The following OC90 variants were observed in gnomAD, a reference collection of about 807,000 sequenced individuals.
OC90 encodes the protein otoconin 90.
OC90 carries 46 observed loss-of-function variants against 47.3 expected under a neutral mutation model. That is an observed-to-expected ratio of 0.97 (90% confidence interval 0.77 to 1.24). The LOEUF (loss-of-function observed/expected upper bound fraction) is 1.24, where lower values mean the gene tolerates loss of function less well. Ranked by LOEUF, OC90 falls within the 50% of genes most tolerant of loss-of-function variation. The probability of loss-of-function intolerance (pLI) is 0.00; values close to 1 mark genes in which losing one functional copy is unlikely to be tolerated. For synonymous variants in OC90, 271 were observed against 219.5 expected, an observed-to-expected ratio of 1.23 and a Z score of -2.07; for missense variants, 688 against 583.9, an observed-to-expected ratio of 1.18 and a Z score of -1.84.
In OC90 at chr8:132,034,790, A is replaced by G. The variant is rs761996799; in HGVS notation, c.724T>C (p.Ser242Pro). The change falls in exon 10 of 14, where the codon TCC (serine) becomes CCC (proline). Residue 242 changes from serine to proline, a missense_variant. Ser to Pro is a moderately conservative substitution (Grantham distance 74). Transcript: ENST00000254627. ...QEGVGAARAT[S>P]PPGSAEIVAT... ...AGCCCAGTAGGCTTACCTGGAGGGG[A>G]CGTAGCCCTAGCAGCTCCCACTCCT... 1 of 1,611,676 alleles carries G rather than the reference A, an allele frequency of 6.2e-7. No individual in the cohort carries two copies.
At chr8:132,055,728 G>A (rs1035234411) in intron 1 of OC90, among the ~76,000 whole-genome samples, 8 of 152,164 alleles carry the variant, frequency 5.3e-5, no homozygotes, top group Non-Finnish European at 1.5e-5. Context: ...GAGGTCCTGA[G>A]AGTTCAATAG....
intron 2 of OC90, 85 bp from the exon 3 acceptor site, chr8:132,045,968 A>C: frequency 1.3e-6 from 1 of 751,914 alleles, no homozygotes; most frequent in South Asian, 1.5e-5. Context: ...CGACAGCCAG[A>C]CAAACAATGG....
At chr8:132,029,957 A>T (rs377728053) in intron 12 of OC90, among the ~76,000 whole-genome samples, 2 of 152,194 alleles carry the variant, frequency 1.3e-5, no homozygotes, top group Non-Finnish European at 2.9e-5. Flanking sequence ...TCCAGCAGGG[A>T]TAAGTCGTAG....
Position 132,045,864 on chromosome 8 carries a change from A to T in OC90, c.66T>A (p.Thr22=). The change falls in exon 3 of 14, where the codon ACT becomes ACA. Residue 22 remains threonine, a synonymous_variant. Coordinates refer to ENST00000254627, the MANE Select transcript of OC90 (RefSeq NM_001080399.3). ...IPHAGGHPLD[T]PHLPQELPPG... ...GAGGCAGCTCCTGTGGAAGATGTGG[A>T]GTGTCCAGAGGATGGCCTCCTATAA... 1 of 1,543,890 alleles carries T rather than the reference A, an allele frequency of 6.5e-7. No homozygotes were observed. Among genetic ancestry groups the T allele is most frequent in the Non-Finnish European group, 8.8e-7 (1 of 1,139,794 alleles).
chr8:132,050,009 T>A (rs1187756506), intron 2 of OC90: 2 of 339,782 alleles, frequency 5.9e-6, no homozygotes, highest in Non-Finnish European at 1.3e-5. Flanking sequence ...TTATAAGGGT[T>A]TTTTTGTCCA....
At chr8:132,030,376 T>G (rs1266542763) in intron 12 of OC90, among the ~76,000 whole-genome samples, 1 of 152,250 alleles carries the variant, frequency 6.6e-6, no homozygotes, top group Non-Finnish European at 1.5e-5. Context: ...TTTTTCAATT[T>G]CTTTCTGCAG....
At chr8:132,043,634 A>G (rs774973054) in intron 4 of OC90, among the ~76,000 whole-genome samples, 7 of 152,154 alleles carry the variant, frequency 4.6e-5, no homozygotes, top group African/African-American at 9.7e-5. Flanking sequence ...GACCAGTTCC[A>G]CCTCATACTA....
intron 6 of OC90, among the ~76,000 whole-genome samples, chr8:132,040,377 T>C (rs1823034777): frequency 6.6e-6 from 1 of 152,204 alleles, no homozygotes; most frequent in Non-Finnish European, 1.5e-5. Context: ...AAAGTATGGC[T>C]GTAATATAGG....
At chr8:132,029,029 A>G in intron 13 of OC90, 44 bp downstream of exon 13, 1 of 1,323,806 alleles carries the variant, frequency 7.6e-7, no homozygotes, top group African/African-American at 1.4e-5. Context: ...CACGATGCTG[A>G]CCTCAATGAA....
At chr8:132,037,537 A>G in intron 8 of OC90, 49 bp from the exon 9 acceptor site, 1 of 1,509,076 alleles carries the variant, frequency 6.6e-7, no homozygotes, top group Non-Finnish European at 9.0e-7. Flanking sequence ...ACACAGTGTC[A>G]AAACCAAGCA....
At chr8:132,041,182 GGTGAGA>G in intron 5 of OC90, 26 bp from the exon 6 acceptor site, 1 of 1,470,328 alleles carries the variant, frequency 6.8e-7, no homozygotes, top group Non-Finnish European at 9.5e-7. Flanking sequence ...GAGGAGGCAG[GGTGAGA>G]GTGTGGGTTA....
At chr8:132,043,856 C>T (rs7818683) in intron 4 of OC90, among the ~76,000 whole-genome samples, 94,272 of 152,078 alleles carry the variant, frequency 0.62, 29,767 homozygotes, top group East Asian at 0.75. Context: ...CAGCATGGCC[C>T]GACCCAAAAG....
intron 8 of OC90, among the ~76,000 whole-genome samples, chr8:132,037,950 A>G (rs1183150589): frequency 6.6e-6 from 1 of 152,200 alleles, no homozygotes. Flanking sequence ...ACACATGCCC[A>G]TGCACACATC....
chr8:132,049,376 C>T (rs76589928), intron 2 of OC90, among the ~76,000 whole-genome samples: 1 of 152,162 alleles, frequency 6.6e-6, no homozygotes, highest in Admixed American at 6.5e-5. Context: ...GGAAAAAGAT[C>T]CTGTCCAACT....
rs73350946 is a variant in OC90 at position 132,035,089 on chromosome 8, T to C, written c.680-255A>G. Among the ~76,000 whole-genome samples, 1,164 of 152,322 alleles carry C rather than the reference T, an allele frequency of 7.6e-3. 12 individuals are homozygous for C. Among genetic ancestry groups the C allele is most frequent in the African/African-American group, 0.027 (1,117 of 41,576 alleles). ...GTCAGGCTGGAAGCAAGTGAGTTAG[T>C]GCAAATACTTTGGGAATGACAGCTT... On this transcript the variant is annotated intron_variant, in intron 9 of 13. Coordinates refer to ENST00000254627, the MANE Select transcript of OC90 (RefSeq NM_001080399.3).
intron 2 of OC90, 81 bp from the exon 3 acceptor site, chr8:132,045,964 C>A (rs1474343280): frequency 2.6e-6 from 2 of 771,234 alleles, no homozygotes; most frequent in Non-Finnish European, 2.2e-6. Flanking sequence ...AAGGCGACAG[C>A]CAGACAAACA....
intron 2 of OC90, chr8:132,049,773 G>A (rs1823187564): frequency 2.0e-6 from 1 of 499,762 alleles, no homozygotes; most frequent in African/African-American, 1.9e-5. Context: ...TTCTCAGCTT[G>A]AGCTCAAGCC....
chr8:132,040,362 C>T (rs1026905683), intron 6 of OC90, among the ~76,000 whole-genome samples: 1 of 152,194 alleles, frequency 6.6e-6, no homozygotes, highest in African/African-American at 2.4e-5. Context: ...ATAATAAACA[C>T]ACATAAAGTA....
Position 132,038,578 on chromosome 8 carries a change from C to A in OC90, c.628+212G>T, listed in dbSNP as rs543948731. On this transcript the variant is annotated intron_variant, in intron 8 of 13. Coordinates refer to ENST00000254627, the MANE Select transcript of OC90 (RefSeq NM_001080399.3). ...TCACACTTGTCCACACAGCATGGGGCTGAGTTTGCACTGGGGCCATTTGAT... is the reference window on the plus strand; with the variant it reads ...TCACACTTGTCCACACAGCATGGGGATGAGTTTGCACTGGGGCCATTTGAT... Among the ~76,000 whole-genome samples the A allele has an allele frequency of 5.3e-5, 8 of 152,348 alleles. No homozygotes were observed. In the South Asian group the frequency reaches 1.7e-3, roughly 32 times the overall value.
Sources: gnomAD v4.1 joint callset for allele counts (sites outside exome capture counted in the v4.1 genomes callset) on GRCh38, gnomAD v4.1.1 for gene constraint, MANE v1.5 for transcripts, NCBI Gene and HGNC (gene_info 2026-07-23, HGNC 2026-07-21) for gene names.